The following FAM169A variants were observed in gnomAD, a reference collection of about 807,000 sequenced individuals.
FAM169A encodes the protein family with sequence similarity 169 member A.
Under a neutral mutation model 75.7 loss-of-function variants are expected in FAM169A, and 24 were observed. The ratio of observed to expected loss-of-function variants is 0.32; its 90% confidence interval spans 0.23 to 0.45. FAM169A has a LOEUF of 0.45. Ranked by LOEUF, FAM169A falls within the 20% of genes least tolerant of loss-of-function variation. The pLI, the probability that FAM169A is intolerant of heterozygous loss-of-function variation, is 1.00. For synonymous variants in FAM169A, 271 were observed against 271.0 expected (o/e 1.00, Z 0.00); for missense variants, 673 against 784.0 (o/e 0.86, Z 1.69).
intron 8 of FAM169A, among the ~76,000 whole-genome samples, chr5:74,803,410 C>G (rs1431047430): frequency 6.6e-6 from 1 of 152,056 alleles, no homozygotes; most frequent in African/African-American, 2.4e-5. Flanking sequence ...TATTGTTATT[C>G]TTAAAAATGT....
At chr5:74,792,649 C>G (rs954306651) in intron 11 of FAM169A, among the ~76,000 whole-genome samples, 4 of 151,736 alleles carry the variant, frequency 2.6e-5, no homozygotes, top group Admixed American at 1.3e-4. Flanking sequence ...AGTTCTGTCC[C>G]TCTAGAGAAC....
intron 5 of FAM169A, among the ~76,000 whole-genome samples, chr5:74,833,735 T>A (rs1748434550): frequency 1.3e-5 from 2 of 152,202 alleles, no homozygotes; most frequent in South Asian, 4.1e-4. Flanking sequence ...CAGACTTTGT[T>A]CTTTGATGGT....
At chr5:74,789,055 G>A (rs368427164) in intron 11 of FAM169A, among the ~76,000 whole-genome samples, 89 of 152,234 alleles carry the variant, frequency 5.8e-4, no homozygotes, top group Non-Finnish European at 1.0e-3. Context: ...ATTTGCGTTC[G>A]GCTGGCAAGG....
rs1212080605 is a variant in FAM169A at position 74,778,812 on chromosome 5, CTA to C, written c.*2646_*2647del. ...CCTTCACAAATAAGTTCACAAAGGA[CTA>C]TGTGTAATGTGACTGGACATTCAAC... On this transcript the variant is annotated 3_prime_UTR_variant, in exon 13 of 13. Coordinates refer to ENST00000687041, the MANE Select transcript of FAM169A (RefSeq NM_001376049.1). The C allele has an allele frequency of 1.3e-5, 2 of 152,046 alleles. No homozygotes were observed. Among genetic ancestry groups the C allele is most frequent in the African/African-American group, 4.8e-5 (2 of 41,444 alleles). The allele number at this position is 152,046 out of a possible 1,614,324, so 9.4% of individuals were successfully genotyped here. A position where few individuals can be genotyped will look rare whatever the true frequency, so the allele number is the denominator to read the frequency against.
intron 1 of FAM169A, among the ~76,000 whole-genome samples, chr5:74,845,304 G>A (rs573135731): frequency 4.6e-5 from 7 of 152,094 alleles, no homozygotes; most frequent in Non-Finnish European, 8.8e-5. Context: ...GGATCATGAG[G>A]TCAGGAGATC....
intron 1 of FAM169A, among the ~76,000 whole-genome samples, chr5:74,862,681 GGAC>G (rs1750099126): frequency 1.3e-5 from 2 of 152,086 alleles, no homozygotes; most frequent in Non-Finnish European, 2.9e-5. Context: ...CACCTTACAA[GGAC>G]TACTGGAATG....
At chr5:74,851,527 G>A (rs1580166974) in intron 1 of FAM169A, among the ~76,000 whole-genome samples, 1 of 152,134 alleles carries the variant, frequency 6.6e-6, no homozygotes, top group South Asian at 2.1e-4. Context: ...AGGAAATAGA[G>A]AATGCTACTT....
chr5:74,799,261 C>A (rs1251806201), intron 10 of FAM169A: 2 of 1,522,390 alleles, frequency 1.3e-6, no homozygotes, highest in East Asian at 4.5e-5. Flanking sequence ...GAAGCCAACA[C>A]TGATGATCCT....
chr5:74,838,448 C>A (rs1355543979), intron 4 of FAM169A, among the ~76,000 whole-genome samples: 1 of 152,142 alleles, frequency 6.6e-6, no homozygotes, highest in South Asian at 2.1e-4. Flanking sequence ...GTCTCTTAAA[C>A]CCTTTCATCT....
chr5:74,844,629 C>T (rs1003739959), intron 1 of FAM169A, among the ~76,000 whole-genome samples: 6 of 151,946 alleles, frequency 3.9e-5, no homozygotes, highest in Non-Finnish European at 7.4e-5. Flanking sequence ...ACCATCCTGG[C>T]TAACACAGTG....
chr5:74,826,482 G>A (rs1748033778), intron 5 of FAM169A, among the ~76,000 whole-genome samples: 1 of 152,092 alleles, frequency 6.6e-6, no homozygotes, highest in South Asian at 2.1e-4. Flanking sequence ...TTTTGGCCTA[G>A]TCAAACTCCT....
At chr5:74,818,284 T>C (rs931164101) in intron 5 of FAM169A, among the ~76,000 whole-genome samples, 2 of 151,976 alleles carry the variant, frequency 1.3e-5, no homozygotes, top group African/African-American at 4.8e-5. Flanking sequence ...CTAACACATA[T>C]GAAGGGCTCT....
At chr5:74,841,973 A>C (rs940163461) in intron 1 of FAM169A, among the ~76,000 whole-genome samples, 12 of 152,172 alleles carry the variant, frequency 7.9e-5, no homozygotes, top group Non-Finnish European at 1.5e-4. Flanking sequence ...ATGTACATAC[A>C]CACAAAAATA....
intron 6 of FAM169A, among the ~76,000 whole-genome samples, chr5:74,812,762 C>CCCTGCA (rs1747270003): frequency 1.3e-5 from 2 of 152,080 alleles, no homozygotes; most frequent in Non-Finnish European, 2.9e-5. Flanking sequence ...TATGAGATGC[C>CCCTGCA]CCTGCACATC....
rs754460347 is a variant in FAM169A, at chr5:74,782,014, A to G, written c.1465-6T>C. 3 of 1,591,366 alleles carry G rather than the reference A, an allele frequency of 1.9e-6. No homozygotes were observed. In the South Asian group the frequency reaches 3.4e-5, roughly 18 times the overall value. ...GAGTCAGGTATACGTGGGGTCTGAA[A>G]ATTAAAAACCTGGTCAACAAATAAA... On this transcript the variant is annotated splice_region_variant and splice_polypyrimidine_tract_variant and intron_variant, in intron 12 of 12. Transcript: ENST00000687041.
At position 74,813,869 on chromosome 5, in the gene FAM169A, C is replaced by G. The variant is rs868101606; in HGVS notation, c.641G>C (p.Arg214Pro). 3 of 1,595,332 alleles carry G rather than the reference C, an allele frequency of 1.9e-6. No individual in the cohort carries two copies. The highest frequency in any genetic ancestry group is 2.6e-6 in the Non-Finnish European group (3 of 1,174,530). Residue 214 changes from arginine (R) to proline (P), a missense_variant, in exon 6 of 13, where the codon CGG (arginine) becomes CCG (proline). Transcript: ENST00000687041. Reference sequence around the variant, plus strand: ...ATACATGAGAGAAGACAGTGGATACCGCAAGCCAAGCGCATCTTCTGTAAA... The same window carrying G: ...ATACATGAGAGAAGACAGTGGATACGGCAAGCCAAGCGCATCTTCTGTAAA... ...DSFTEDALGL[R>P]YPLSSLMYTA... is the part of the protein sequence containing the mutation.
intron 6 of FAM169A, among the ~76,000 whole-genome samples, chr5:74,808,507 T>C (rs1305540866): frequency 6.6e-6 from 1 of 152,138 alleles, no homozygotes; most frequent in Non-Finnish European, 1.5e-5. Context: ...AATTGTTTAA[T>C]GGGGAGAAAG....
At chr5:74,784,225 T>C (rs1745553373) in intron 11 of FAM169A, among the ~76,000 whole-genome samples, 1 of 151,926 alleles carries the variant, frequency 6.6e-6, no homozygotes, top group Admixed American at 6.6e-5. Context: ...GGACTTTTTC[T>C]AGAGTGTCCA....
At chr5:74,838,036 G>C (rs1748659601) in intron 4 of FAM169A, among the ~76,000 whole-genome samples, 1 of 146,654 alleles carries the variant, frequency 6.8e-6, no homozygotes, top group South Asian at 2.2e-4. Context: ...AGAATCGCTT[G>C]AACCCAGGAA....
Sources: allele counts gnomAD v4.1 joint callset (sites outside exome capture counted in the v4.1 genomes callset), GRCh38; gene constraint gnomAD v4.1.1; transcripts MANE v1.5; gene names NCBI Gene and HGNC (gene_info 2026-07-23, HGNC 2026-07-21).